The following FZD6 variants were observed in gnomAD, a reference collection of about 807,000 sequenced individuals.
The protein encoded by FZD6 is frizzled class receptor 6, also known as frizzled-6.
Under a neutral mutation model 61.4 loss-of-function variants are expected in FZD6, and 49 were observed. The observed-to-expected ratio is 0.80, with a 90% CI of 0.63 to 1.01. FZD6 has a LOEUF of 1.01. Ranked by LOEUF, FZD6 falls within the 50% of genes least tolerant of loss-of-function variation. The pLI is 0.00. For missense variants in FZD6, 724 were observed against 848.2 expected (o/e 0.85, Z 1.82); for synonymous variants, 265 against 292.2 (o/e 0.91, Z 0.95).
intron 6 of FZD6, among the ~76,000 whole-genome samples, chr8:103,330,962 G>T (rs1815103096): frequency 6.6e-6 from 1 of 152,182 alleles, no homozygotes; most frequent in Admixed American, 6.5e-5. Flanking sequence ...CAGATCACAA[G>T]GTCAGGAGAT....
At chr8:103,310,854 C>T (rs183996233) in intron 2 of FZD6, among the ~76,000 whole-genome samples, 1 of 152,304 alleles carries the variant, frequency 6.6e-6, no homozygotes, top group African/African-American at 2.4e-5. Context: ...AGATTTCCAT[C>T]TTTAAATACT....
At chr8:103,326,307 T>G (rs1469314198) in intron 4 of FZD6, among the ~76,000 whole-genome samples, 2 of 152,156 alleles carry the variant, frequency 1.3e-5, no homozygotes, top group East Asian at 3.9e-4. Flanking sequence ...CTATTTTTTA[T>G]GTTGGTATGT....
intron 2 of FZD6, among the ~76,000 whole-genome samples, chr8:103,303,369 G>A (rs2130264531): frequency 6.6e-6 from 1 of 152,228 alleles, no homozygotes; most frequent in Middle Eastern, 3.4e-3. Flanking sequence ...ACTGTTTTTA[G>A]CGAACCCTTC....
intron 2 of FZD6, among the ~76,000 whole-genome samples, chr8:103,312,732 C>T (rs2130294626): frequency 6.6e-6 from 1 of 152,266 alleles, no homozygotes; most frequent in South Asian, 2.1e-4. Context: ...GAGTTCAATA[C>T]TAGGCTGACT....
At chr8:103,300,956 C>T (rs1011915352) in intron 2 of FZD6, among the ~76,000 whole-genome samples, 3 of 152,060 alleles carry the variant, frequency 2.0e-5, no homozygotes, top group Non-Finnish European at 2.9e-5. Context: ...AAGAAAGCTA[C>T]CTGTACAGAC....
intron 4 of FZD6, 99 bp downstream of exon 4, chr8:103,325,597 G>GA: frequency 9.9e-7 from 1 of 1,010,014 alleles, no homozygotes; most frequent in Non-Finnish European, 1.6e-6. Flanking sequence ...GATTTCAGGT[G>GA]AGAAAATACA....
intron 2 of FZD6, among the ~76,000 whole-genome samples, chr8:103,308,197 A>G (rs898368144): frequency 5.3e-5 from 8 of 152,182 alleles, no homozygotes; most frequent in African/African-American, 1.4e-4. Flanking sequence ...TGACATCCAC[A>G]GAGTAGATTA....
At chr8:103,325,670 C>CT (rs1814932688) in intron 4 of FZD6, among the ~76,000 whole-genome samples, 172 bp downstream of exon 4, 2 of 152,152 alleles carry the variant, frequency 1.3e-5, no homozygotes. Context: ...TCATGACTTC[C>CT]TTCCTCAAGC....
At chr8:103,301,418 A>C (rs1019001125) in intron 2 of FZD6, among the ~76,000 whole-genome samples, 1 of 152,206 alleles carries the variant, frequency 6.6e-6, no homozygotes, top group Non-Finnish European at 1.5e-5. Context: ...TTCAATATGA[A>C]GTATATAGTG....
intron 2 of FZD6, 53 bp from the exon 3 acceptor site, chr8:103,318,537 T>G: frequency 1.0e-6 from 1 of 993,892 alleles, no homozygotes; most frequent in East Asian, 2.5e-5. Context: ...TATATTAATT[T>G]TATTCATTTG....
chr8:103,324,793 C>G lies in FZD6; in HGVS notation c.687C>G (p.Tyr229Ter). 1.9e-6 allele frequency: 3 copies of G among 1,612,096 alleles called. No homozygotes were observed. Among genetic ancestry groups the G allele is most frequent in the Non-Finnish European group, 2.5e-6 (3 of 1,178,174 alleles). ...TAATTGATGTTAGAAGATTCAGATA[C>G]CCAGAGAGACCAATTATATATTACT... ...TFLIDVRRFR[Y>*]PERPIIYYSV... Residue 229 changes from tyrosine (Y) to a stop codon, truncating the protein, a stop_gained, in exon 4 of 7, where the codon TAC becomes TAG. Transcript: ENST00000358755. LOFTEE classifies it high-confidence loss of function.
chr8:103,323,628 G>A lies in FZD6; in HGVS notation c.375-853G>A, dbSNP rs371230948. ...GTATTTTTAGTAGAGATGGGGTTTC[G>A]CCATGTTGGCCAGTCTGGTCTTGAA... On this transcript the variant is annotated intron_variant, in intron 3 of 6. Transcript: ENST00000358755. 3.1e-3 allele frequency among the ~76,000 whole-genome samples: 466 copies of A among 151,946 alleles called. 2 individuals carry two copies. Among genetic ancestry groups the A allele is most frequent in the African/African-American group, 0.011 (447 of 41,444 alleles).
intron 2 of FZD6, among the ~76,000 whole-genome samples, chr8:103,304,956 T>G (rs1814289672): frequency 6.6e-6 from 1 of 152,260 alleles, no homozygotes; most frequent in African/African-American, 2.4e-5. Context: ...TTTTTCCTAA[T>G]TTTATTATGT....
chr8:103,324,799 G>C lies in FZD6; in HGVS notation c.693G>C (p.Glu231Asp). ...LIDVRRFRYP[E>D]RPIIYYSVCY... ...ATGTTAGAAGATTCAGATACCCAGA[G>C]AGACCAATTATATATTACTCTGTCT... The change falls in exon 4 of 7, where the codon GAG becomes GAC. Residue 231 changes from glutamate to aspartate, a missense_variant. Transcript: ENST00000358755. The C allele has an allele frequency of 1.2e-6, 2 of 1,612,766 alleles. No individual in the cohort carries two copies. The highest frequency in any genetic ancestry group is 1.7e-6 in the Non-Finnish European group (2 of 1,178,810).
At position 103,324,984 on chromosome 8, in the gene FZD6, C is replaced by T. The variant is rs759181459; in HGVS notation, c.878C>T (p.Thr293Ile). The change falls in exon 4 of 7, where the codon ACA (threonine) becomes ATA (isoleucine). Residue 293 changes from threonine (T) to isoleucine (I), a missense_variant. Thr to Ile is a moderately conservative substitution (Grantham distance 89). Transcript: ENST00000358755. Reference sequence around the variant, plus strand: ...TTGTTCATGCTTTTGTATTTTTTCACAATGGCTGGCACTGTGTGGTGGGTG... The same window carrying T: ...TTGTTCATGCTTTTGTATTTTTTCATAATGGCTGGCACTGTGTGGTGGGTG... ...TVLFMLLYFF[T>I]MAGTVWWVIL... The T allele has an allele frequency of 3.1e-6, 5 of 1,614,122 alleles. No individual in the cohort carries two copies. Among genetic ancestry groups the T allele is most frequent in the Non-Finnish European group, 4.2e-6 (5 of 1,180,028 alleles).
chr8:103,303,138 A>G (rs1379732245), intron 2 of FZD6, among the ~76,000 whole-genome samples: 1 of 152,162 alleles, frequency 6.6e-6, no homozygotes, highest in African/African-American at 2.4e-5. Context: ...AGAGCACTCC[A>G]GGCCCTTCAT....
At chr8:103,302,497 C>T (rs1406681249) in intron 2 of FZD6, among the ~76,000 whole-genome samples, 2 of 152,246 alleles carry the variant, frequency 1.3e-5, no homozygotes, top group South Asian at 2.1e-4. Flanking sequence ...CTTCATTATA[C>T]AGATGAAGAA....
At chr8:103,327,183 C>T (rs1457833965) in intron 4 of FZD6, among the ~76,000 whole-genome samples, 1 of 152,080 alleles carries the variant, frequency 6.6e-6, no homozygotes, top group Non-Finnish European at 1.5e-5. Flanking sequence ...TAAATAATAC[C>T]AAGATAGTCA....
chr8:103,315,318 C>A (rs1334814003), intron 2 of FZD6, among the ~76,000 whole-genome samples: 2 of 152,132 alleles, frequency 1.3e-5, no homozygotes, highest in Non-Finnish European at 1.5e-5. Flanking sequence ...TATTTAACTG[C>A]CTGCTAGTAG....
Sources: allele counts gnomAD v4.1 joint callset (sites outside exome capture counted in the v4.1 genomes callset), GRCh38; gene constraint gnomAD v4.1.1; transcripts MANE v1.5; gene names NCBI Gene and HGNC (gene_info 2026-07-23, HGNC 2026-07-21).